Variants in LRBA observed in about 807,000 individuals in gnomAD.
LRBA encodes the protein LPS responsive beige-like anchor protein.
Under a neutral mutation model 330.0 loss-of-function variants are expected in LRBA, and 176 were observed. The ratio of observed to expected loss-of-function variants is 0.53; its 90% confidence interval spans 0.47 to 0.60. LRBA has a LOEUF of 0.60. LRBA is among the 20% of genes least tolerant of loss of function. The probability of loss-of-function intolerance (pLI) is 0.00; values close to 1 mark genes in which losing one functional copy is unlikely to be tolerated. For synonymous variants in LRBA, 1,230 were observed against 1,193.0 expected (o/e 1.03, Z -0.64); for missense variants, 3,259 against 3,444.8 (o/e 0.95, Z 1.35).
At chr4:150,761,052 G>A (rs915880101) in intron 35 of LRBA, among the ~76,000 whole-genome samples, 3 of 152,068 alleles carry the variant, frequency 2.0e-5, no homozygotes, top group African/African-American at 7.2e-5. Context: ...GAAACAGTAA[G>A]TTTGTTCAGA....
chr4:150,982,754 C>A (rs1561090382), intron 2 of LRBA, among the ~76,000 whole-genome samples: 1 of 152,132 alleles, frequency 6.6e-6, no homozygotes, highest in Non-Finnish European at 1.5e-5. Flanking sequence ...AACAAAGAAG[C>A]CACAGAATGT....
In LRBA at chr4:150,795,413, T is replaced by C. The variant is rs374300655; in HGVS notation, c.5580+2668A>G. 4.4e-3 allele frequency among the ~76,000 whole-genome samples: 672 copies of C among 152,144 alleles called. 48 individuals are homozygous for C. In the South Asian group the frequency reaches 0.14, roughly 31 times the overall value. On this transcript the variant is annotated intron_variant, in intron 34 of 56. Coordinates refer to ENST00000651943, the MANE Select transcript of LRBA (RefSeq NM_001364905.1). ...TTTTGTGTATTTGCAACAGAGAACA[T>C]ACAGTTTCCTGAAGAATGTAAGCAG...
intron 37 of LRBA, among the ~76,000 whole-genome samples, chr4:150,633,044 TCTC>T (rs1777543769): frequency 6.6e-6 from 1 of 152,126 alleles, no homozygotes; most frequent in African/African-American, 2.4e-5. Flanking sequence ...CCAGCGAAAA[TCTC>T]CTTTTGAGTT....
rs1014582568 is a variant in LRBA at position 150,358,239 on chromosome 4, C to T, written c.7195-8080G>A. Among the ~76,000 whole-genome samples the T allele has an allele frequency of 2.0e-5, 3 of 152,118 alleles. No homozygotes were observed. The South Asian group carries it at 6.2e-4, about 32-fold the overall frequency. On this transcript the variant is annotated intron_variant, in intron 47 of 56. Transcript: ENST00000651943. Reference sequence around the variant, plus strand: ...TTCATGACAAGTACCTGGAATTAAGCTATTTTATTTTGTTAGTTAAATGCA... The same window carrying T: ...TTCATGACAAGTACCTGGAATTAAGTTATTTTATTTTGTTAGTTAAATGCA...
chr4:150,996,794 A>G (rs1742696558), intron 2 of LRBA, among the ~76,000 whole-genome samples: 2 of 152,180 alleles, frequency 1.3e-5, no homozygotes, highest in Admixed American at 1.3e-4. Flanking sequence ...TTCAAAATCA[A>G]ACAACCTGAG....
At chr4:150,565,621 A>C (rs970928864) in intron 40 of LRBA, among the ~76,000 whole-genome samples, 1 of 152,140 alleles carries the variant, frequency 6.6e-6, no homozygotes, top group East Asian at 1.9e-4. Flanking sequence ...ATTTAACATA[A>C]CAACTCTCCT....
chr4:150,403,719 T>C (rs1242453267), intron 47 of LRBA, among the ~76,000 whole-genome samples: 1 of 151,986 alleles, frequency 6.6e-6, no homozygotes, highest in African/African-American at 2.4e-5. Context: ...AATTAAGAAA[T>C]AGATGACAAA....
chr4:150,768,569 T>C (rs1467848606), intron 34 of LRBA, among the ~76,000 whole-genome samples: 1 of 152,310 alleles, frequency 6.6e-6, no homozygotes, highest in Admixed American at 6.5e-5. Context: ...GAGTGATATT[T>C]GAAAACTTTT....
At chr4:150,748,277 T>C (rs1045346853) in intron 35 of LRBA, among the ~76,000 whole-genome samples, 1 of 152,250 alleles carries the variant, frequency 6.6e-6, no homozygotes. Context: ...CACTGACTTA[T>C]CTGCTTTCAT....
In LRBA at chr4:150,817,277, C is replaced by T; in HGVS notation, c.5172-20G>A. ...ACACTTCTGTAATAAAGAAAGTAAA[C>T]AGACTGAAAGATACAAATTGATCTC... On this transcript the variant is annotated intron_variant, in intron 30 of 56. Coordinates refer to ENST00000651943, the MANE Select transcript of LRBA (RefSeq NM_001364905.1). 1 of 1,608,508 alleles carries T rather than the reference C, an allele frequency of 6.2e-7. No individual in the cohort carries two copies. Among genetic ancestry groups the T allele is most frequent in the South Asian group, 1.1e-5 (1 of 90,860 alleles).
chr4:150,389,627 G>A (rs1581181017), intron 47 of LRBA, among the ~76,000 whole-genome samples: 1 of 137,340 alleles, frequency 7.3e-6, no homozygotes, highest in East Asian at 2.2e-4. Flanking sequence ...CAGTGAGCCA[G>A]GATCACGCCA....
intron 2 of LRBA, among the ~76,000 whole-genome samples, chr4:150,981,249 T>C (rs1320133535): frequency 6.6e-6 from 1 of 151,568 alleles, no homozygotes; most frequent in Non-Finnish European, 1.5e-5. Flanking sequence ...TTGTCTCTAC[T>C]AAAAATACAA....
chr4:150,466,379 G>A (rs1293983844), intron 44 of LRBA, among the ~76,000 whole-genome samples: 1 of 152,074 alleles, frequency 6.6e-6, no homozygotes, highest in Non-Finnish European at 1.5e-5. Context: ...CAGACACTGG[G>A]CAATGATCTT....
At chr4:150,417,168 A>G (rs140090569) in intron 46 of LRBA, among the ~76,000 whole-genome samples, 1 of 152,260 alleles carries the variant, frequency 6.6e-6, no homozygotes, top group Non-Finnish European at 1.5e-5. Flanking sequence ...TAGCATTTTC[A>G]TGATGAGAAA....
At chr4:150,854,965 A>G (rs1751051427) in intron 22 of LRBA, among the ~76,000 whole-genome samples, 1 of 152,126 alleles carries the variant, frequency 6.6e-6, no homozygotes, top group Non-Finnish European at 1.5e-5. Context: ...TTCCCTTTTT[A>G]AAAGATCAGT....
rs1299824342 is a variant in LRBA at position 150,516,005 on chromosome 4, A to AAATTAT, written c.6331-24976_6331-24971dup. Among the ~76,000 whole-genome samples the AAATTAT allele has an allele frequency of 2.6e-5, 4 of 152,164 alleles. 1 individual carries two copies. In the South Asian group the frequency reaches 8.3e-4, roughly 32 times the overall value. On this transcript the variant is annotated intron_variant, in intron 40 of 56. Transcript: ENST00000651943. ...AAACCAATATGTATATGAGTTTTAT[A>AAATTAT]AATTATAATTAAAGTGACAATAGGA... is the stretch of plus-strand genomic sequence containing the variant.
intron 22 of LRBA, among the ~76,000 whole-genome samples, chr4:150,861,264 G>A (rs529185169): frequency 7.4e-6 from 1 of 136,012 alleles, no homozygotes; most frequent in African/African-American, 3.3e-5. Flanking sequence ...CACCATCCCA[G>A]CTAATGGTGT....
At chr4:150,534,071 A>G (rs1764350711) in intron 40 of LRBA, among the ~76,000 whole-genome samples, 1 of 152,150 alleles carries the variant, frequency 6.6e-6, no homozygotes, top group Non-Finnish European at 1.5e-5. Flanking sequence ...TCTCAGAAGC[A>G]ACAAAGGATG....
chr4:150,814,786 GTA>G (rs1162071947), intron 31 of LRBA, among the ~76,000 whole-genome samples: 2 of 151,964 alleles, frequency 1.3e-5, no homozygotes, highest in East Asian at 1.9e-4. Context: ...TGGATCAATG[GTA>G]TAGGGTTTTG....
Sources: gnomAD v4.1 joint callset for allele counts (sites outside exome capture counted in the v4.1 genomes callset) on GRCh38, gnomAD v4.1.1 for gene constraint, MANE v1.5 for transcripts, NCBI Gene and HGNC (gene_info 2026-07-23, HGNC 2026-07-21) for gene names.